CSMD3: variants seen among roughly 807,000 people sequenced by gnomAD.
The protein encoded by CSMD3 is CUB and Sushi multiple domains 3, also known as CUB and sushi domain-containing protein 3.
CSMD3 carries 177 observed loss-of-function variants against 435.2 expected under a neutral mutation model. The ratio of observed to expected loss-of-function variants is 0.41; its 90% confidence interval spans 0.36 to 0.46. The LOEUF (loss-of-function observed/expected upper bound fraction) is 0.46. Ranked by LOEUF, CSMD3 falls within the 20% of genes least tolerant of loss-of-function variation. The pLI is 0.34. For missense variants in CSMD3, 4,265 were observed against 4,504.6 expected (o/e 0.95, Z 1.52); for synonymous variants, 1,656 against 1,520.5 (o/e 1.09, Z -2.07).
intron 61 of CSMD3, among the ~76,000 whole-genome samples, chr8:112,263,264 GA>G (rs1816611005): frequency 6.6e-6 from 1 of 151,584 alleles, no homozygotes; most frequent in Non-Finnish European, 1.5e-5. Flanking sequence ...AACTTTATTT[GA>G]ATAAACATGT....
intron 32 of CSMD3, among the ~76,000 whole-genome samples, chr8:112,434,709 C>G (rs373096674): frequency 5.3e-5 from 8 of 152,168 alleles, no homozygotes; most frequent in South Asian, 2.1e-4. Flanking sequence ...TAGAAAGGAA[C>G]CATCAATGTG....
chr8:112,518,832 C>A (rs181238944), intron 27 of CSMD3, among the ~76,000 whole-genome samples: 8 of 152,102 alleles, frequency 5.3e-5, no homozygotes, highest in Admixed American at 2.0e-4. Context: ...TAGTAGGAAG[C>A]ATGGCTAGGA....
chr8:112,382,148 G>A (rs1829518935), intron 37 of CSMD3, among the ~76,000 whole-genome samples: 1 of 151,914 alleles, frequency 6.6e-6, no homozygotes, highest in Non-Finnish European at 1.5e-5. Flanking sequence ...AATTGGGGTT[G>A]TGGTATGTGA....
intron 36 of CSMD3, among the ~76,000 whole-genome samples, chr8:112,389,360 T>C (rs545915269): frequency 6.6e-6 from 1 of 152,320 alleles, no homozygotes; most frequent in Non-Finnish European, 1.5e-5. Flanking sequence ...TCAGATCCTC[T>C]ATACAAGCTG....
chr8:113,245,442 C>T (rs893958814), intron 3 of CSMD3, among the ~76,000 whole-genome samples: 3 of 151,560 alleles, frequency 2.0e-5, no homozygotes, highest in African/African-American at 7.3e-5. Context: ...AGAGCTTATC[C>T]TGTAGATTAA....
chr8:113,043,622 A>G (rs2087714707), intron 5 of CSMD3, among the ~76,000 whole-genome samples: 1 of 152,192 alleles, frequency 6.6e-6, no homozygotes, highest in Non-Finnish European at 1.5e-5. Flanking sequence ...ATGTTTTGCT[A>G]AATATGTTTC....
chr8:112,511,611 C>G (rs893480755), intron 28 of CSMD3, among the ~76,000 whole-genome samples: 22 of 151,806 alleles, frequency 1.4e-4, no homozygotes, highest in African/African-American at 4.6e-4. Context: ...AGGATGGTCT[C>G]GATTTCCTGA....
At chr8:112,462,983 C>T (rs1204835556) in intron 32 of CSMD3, among the ~76,000 whole-genome samples, 1 of 152,152 alleles carries the variant, frequency 6.6e-6, no homozygotes, top group Non-Finnish European at 1.5e-5. Context: ...TGGCAGTTTG[C>T]CTTGCTCTCC....
chr8:112,528,368 T>C (rs887619693), intron 27 of CSMD3, among the ~76,000 whole-genome samples: 2 of 152,032 alleles, frequency 1.3e-5, no homozygotes, highest in South Asian at 2.1e-4. Context: ...TCCCAACATA[T>C]ACCAGGATTT....
intron 1 of CSMD3, among the ~76,000 whole-genome samples, chr8:113,329,275 A>T (rs1192134575): frequency 6.6e-6 from 1 of 151,746 alleles, no homozygotes; most frequent in African/African-American, 2.4e-5. Flanking sequence ...TCACCAAATA[A>T]ATAACACTAT....
At chr8:112,672,522 G>T (rs2075682172) in intron 16 of CSMD3, among the ~76,000 whole-genome samples, 1 of 152,036 alleles carries the variant, frequency 6.6e-6, no homozygotes, top group Admixed American at 6.6e-5. Flanking sequence ...GATCCCTCAG[G>T]TCCTTTTATT....
Position 112,682,428 on chromosome 8 carries a change from A to T in CSMD3, c.2677+14T>A, listed in dbSNP as rs749067183. The T allele has an allele frequency of 6.3e-7, 1 of 1,598,728 alleles. No individual in the cohort carries two copies. The highest frequency in any genetic ancestry group is 1.1e-5 in the South Asian group (1 of 90,672). Reference sequence around the variant, plus strand: ...GATGATGAGGTTCTATTTCTCACTCACTACTACACTTACCTCCACATTTTG... The same window carrying T: ...GATGATGAGGTTCTATTTCTCACTCTCTACTACACTTACCTCCACATTTTG... On this transcript the variant is annotated intron_variant, in intron 16 of 70. Coordinates refer to ENST00000297405, the MANE Select transcript of CSMD3 (RefSeq NM_198123.2).
intron 3 of CSMD3, among the ~76,000 whole-genome samples, chr8:113,190,847 T>A (rs575715226): frequency 2.0e-5 from 3 of 151,964 alleles, no homozygotes; most frequent in African/African-American, 7.2e-5. Context: ...TTGTTTTCCA[T>A]GACATTAACA....
At chr8:112,843,561 A>G (rs889036313) in intron 11 of CSMD3, among the ~76,000 whole-genome samples, 4 of 151,968 alleles carry the variant, frequency 2.6e-5, no homozygotes, top group Non-Finnish European at 5.9e-5. Context: ...GAGTGGGCCA[A>G]ATCTATTCAC....
intron 1 of CSMD3, among the ~76,000 whole-genome samples, chr8:113,388,164 A>T (rs1242986186): frequency 2.0e-5 from 3 of 151,722 alleles, no homozygotes; most frequent in African/African-American, 7.2e-5. Context: ...CTAAAATATA[A>T]GATTTTTCAT....
intron 6 of CSMD3, among the ~76,000 whole-genome samples, chr8:112,997,774 A>AT (rs1343013837): frequency 1.3e-5 from 2 of 151,176 alleles, no homozygotes; most frequent in Non-Finnish European, 3.0e-5. Flanking sequence ...GTTAGAGTAT[A>AT]TTTTTCAAAT....
intron 10 of CSMD3, among the ~76,000 whole-genome samples, chr8:112,868,977 C>A (rs1001984475): frequency 1.2e-4 from 18 of 151,978 alleles, no homozygotes; most frequent in African/African-American, 4.3e-4. Context: ...AATATGACAA[C>A]AAAAGCATAG....
intron 17 of CSMD3, among the ~76,000 whole-genome samples, chr8:112,662,716 T>G (rs1019426815): frequency 1.3e-5 from 2 of 152,054 alleles, no homozygotes; most frequent in African/African-American, 4.8e-5. Flanking sequence ...CAAAAGAAAC[T>G]ACAATCAGAG....
chr8:112,379,742 T>C (rs1829296986), intron 38 of CSMD3, among the ~76,000 whole-genome samples: 1 of 152,086 alleles, frequency 6.6e-6, no homozygotes, highest in African/African-American at 2.4e-5. Context: ...AACAAAACTG[T>C]TGGGGTCACA....
Sources: gnomAD v4.1 joint callset for allele counts (sites outside exome capture counted in the v4.1 genomes callset) on GRCh38, gnomAD v4.1.1 for gene constraint, MANE v1.5 for transcripts, NCBI Gene and HGNC (gene_info 2026-07-23, HGNC 2026-07-21) for gene names.